MRPL13: variants seen among roughly 807,000 people sequenced by gnomAD.
The protein encoded by MRPL13 is large ribosomal subunit protein uL13m.
In MRPL13, 33 loss-of-function variants were observed where a neutral mutation model predicts 29.0. That is an observed-to-expected ratio of 1.14 (90% CI 0.86 to 1.52). MRPL13 has a LOEUF of 1.52. Among genes scored for constraint, MRPL13 ranks in the 40% most tolerant of loss-of-function variants. The pLI, the probability that MRPL13 is intolerant of heterozygous loss-of-function variation, is 0.00. For missense variants in MRPL13, 227 were observed against 216.7 expected (o/e 1.05, Z -0.30); for synonymous variants, 77 against 68.4 (o/e 1.13, Z -0.62).
At chr8:120,397,264 C>A (rs1401074047) in intron 6 of MRPL13, among the ~76,000 whole-genome samples, 1 of 152,154 alleles carries the variant, frequency 6.6e-6, no homozygotes, top group Non-Finnish European at 1.5e-5. Flanking sequence ...CACACAGAGA[C>A]CCAGGAGTTT....
chr8:120,396,744 A>C (rs1812528618), intron 6 of MRPL13, among the ~76,000 whole-genome samples: 1 of 152,254 alleles, frequency 6.6e-6, no homozygotes, highest in South Asian at 2.1e-4. Context: ...GACAAAATTA[A>C]ACATAGGAAA....
At position 120,425,329 on chromosome 8, in the gene MRPL13, G is replaced by A; in HGVS notation, c.283C>T (p.Leu95Phe). 1 of 1,612,752 alleles carries A rather than the reference G, an allele frequency of 6.2e-7. No individual in the cohort carries two copies. ...ACTGCCACTGGATCCCTCAGGTGAAGCTGAGCAGCTGTTACTTGTCTAAAT... is the reference window on the plus strand; with the variant it reads ...ACTGCCACTGGATCCCTCAGGTGAAACTGAGCAGCTGTTACTTGTCTAAAT... Reference protein sequence around the residue: ...GGFRQVTAAQLHLRDPVAIVK... With the variant: ...GGFRQVTAAQFHLRDPVAIVK... Residue 95 changes from leucine to phenylalanine, a missense_variant, in exon 4 of 7, where the codon CTT becomes TTT. Leu to Phe is a conservative substitution (Grantham distance 22). Coordinates refer to ENST00000306185, the MANE Select transcript of MRPL13 (RefSeq NM_014078.6).
At chr8:120,436,012 A>G (rs1037430354) in intron 2 of MRPL13, among the ~76,000 whole-genome samples, 1 of 152,114 alleles carries the variant, frequency 6.6e-6, no homozygotes, top group African/African-American at 2.4e-5. Flanking sequence ...TTCCTTACAA[A>G]GAAATTCTTG....
chr8:120,396,909 T>A (rs935916355), intron 6 of MRPL13, among the ~76,000 whole-genome samples: 3 of 152,216 alleles, frequency 2.0e-5, no homozygotes, highest in Non-Finnish European at 1.5e-5. Context: ...TCTGCAGTTC[T>A]CCCAGAGGAA....
At chr8:120,424,789 TA>T (rs912012971) in intron 4 of MRPL13, among the ~76,000 whole-genome samples, 3 of 151,812 alleles carry the variant, frequency 2.0e-5, no homozygotes, top group African/African-American at 7.2e-5. Flanking sequence ...AAATAAATAA[TA>T]AAATAAAATG....
chr8:120,412,270 A>G (rs1015192103), intron 6 of MRPL13, among the ~76,000 whole-genome samples: 3 of 152,212 alleles, frequency 2.0e-5, no homozygotes, highest in East Asian at 1.9e-4. Context: ...TTTTTAGTAT[A>G]TAACTTATCA....
At chr8:120,433,658 A>G (rs1813021519) in intron 2 of MRPL13, among the ~76,000 whole-genome samples, 2 of 152,052 alleles carry the variant, frequency 1.3e-5, no homozygotes, top group Non-Finnish European at 2.9e-5. Flanking sequence ...CCTCAATAAT[A>G]TATGCCAAAT....
At chr8:120,438,173 G>A (rs1406660861) in intron 2 of MRPL13, among the ~76,000 whole-genome samples, 4 of 152,020 alleles carry the variant, frequency 2.6e-5, no homozygotes, top group Admixed American at 6.6e-5. Flanking sequence ...ACCGGCTTGT[G>A]CAACATTGTG....
chr8:120,410,754 C>T lies in MRPL13; in HGVS notation c.515+3237G>A, dbSNP rs117475427. Among the ~76,000 whole-genome samples the T allele has an allele frequency of 8.8e-4, 134 of 152,018 alleles. 3 individuals carry two copies. In the East Asian group the frequency reaches 0.022, roughly 25 times the overall value. ...GCTCGAATAGAGAGTTACCTCCCTC[C>T]CTCCATCCCTCCCTCCTTCCTTCCT... On this transcript the variant is annotated intron_variant, in intron 6 of 6. Transcript: ENST00000306185.
At chr8:120,436,532 C>G (rs1813056798) in intron 2 of MRPL13, among the ~76,000 whole-genome samples, 1 of 151,966 alleles carries the variant, frequency 6.6e-6, no homozygotes, top group Non-Finnish European at 1.5e-5. Flanking sequence ...TTTGAAAGTT[C>G]TTTATAGTTT....
intron 2 of MRPL13, among the ~76,000 whole-genome samples, chr8:120,442,314 T>C (rs1813133790): frequency 6.6e-6 from 1 of 152,164 alleles, no homozygotes; most frequent in South Asian, 2.1e-4. Context: ...TTCCTGTCTT[T>C]TGGGCATACC....
At chr8:120,422,362 G>A (rs576313505) in intron 4 of MRPL13, among the ~76,000 whole-genome samples, 2 of 151,412 alleles carry the variant, frequency 1.3e-5, no homozygotes, top group African/African-American at 4.8e-5. Flanking sequence ...GAGTAAAGTT[G>A]AAAGTTTAGG....
At chr8:120,441,488 A>ACAGGGAAACAAGTGAATC (rs941097855) in intron 2 of MRPL13, among the ~76,000 whole-genome samples, 1 of 152,204 alleles carries the variant, frequency 6.6e-6, no homozygotes, top group South Asian at 2.1e-4. Flanking sequence ...GGGAGAAGAA[A>ACAGGGAAACAAGTGAATC]CAGGGAAACA....
intron 6 of MRPL13, among the ~76,000 whole-genome samples, chr8:120,407,055 C>G (rs948763966): frequency 1.3e-5 from 2 of 152,184 alleles, no homozygotes; most frequent in African/African-American, 4.8e-5. Flanking sequence ...ATAGCAAATT[C>G]TTTACCATAC....
chr8:120,413,896 C>G (rs948751969), intron 6 of MRPL13, 95 bp downstream of exon 6: 30 of 1,349,154 alleles, frequency 2.2e-5, no homozygotes, highest in Non-Finnish European at 2.8e-5. Flanking sequence ...AAAATGAGTT[C>G]ACTCTTCCCG....
intron 1 of MRPL13, 67 bp from the exon 2 acceptor site, chr8:120,443,375 C>G: frequency 7.7e-7 from 1 of 1,300,150 alleles, no homozygotes; most frequent in Non-Finnish European, 1.0e-6. Flanking sequence ...AATGGAAATA[C>G]AGTAATTAAA....
At chr8:120,406,819 C>A (rs904545544) in intron 6 of MRPL13, among the ~76,000 whole-genome samples, 1 of 152,216 alleles carries the variant, frequency 6.6e-6, no homozygotes, top group Admixed American at 6.5e-5. Context: ...TTGTGCTAAA[C>A]TTTCCATAGC....
chr8:120,419,215 G>A (rs1586922477), intron 5 of MRPL13, among the ~76,000 whole-genome samples: 1 of 151,962 alleles, frequency 6.6e-6, no homozygotes, highest in Admixed American at 6.6e-5. Flanking sequence ...AGTCCATGCA[G>A]TCAGTAAATA....
At chr8:120,397,594 G>C (rs1276167261) in intron 6 of MRPL13, among the ~76,000 whole-genome samples, 1 of 152,188 alleles carries the variant, frequency 6.6e-6, no homozygotes, top group Non-Finnish European at 1.5e-5. Flanking sequence ...CAGCTGCTGT[G>C]CCAGATCACA....
Sources: gnomAD v4.1 joint callset for allele counts (sites outside exome capture counted in the v4.1 genomes callset) on GRCh38, gnomAD v4.1.1 for gene constraint, MANE v1.5 for transcripts, NCBI Gene and HGNC (gene_info 2026-07-23, HGNC 2026-07-21) for gene names.